TNIK: variants seen among roughly 807,000 people sequenced by gnomAD.
The protein encoded by TNIK is TRAF2 and NCK interacting kinase.
In TNIK, 49 loss-of-function variants were observed where a neutral mutation model predicts 191.3. The observed-to-expected ratio is 0.26, with a 90% CI of 0.20 to 0.32. TNIK has a LOEUF of 0.32. Ranked by LOEUF, TNIK falls within the 10% of genes least tolerant of loss-of-function variation. The pLI, the probability that TNIK is intolerant of heterozygous loss-of-function variation, is 1.00. For missense variants in TNIK, 1,155 were observed against 1,702.3 expected, an observed-to-expected ratio of 0.68 and a Z score of 5.66; for synonymous variants, 594 against 600.9, an observed-to-expected ratio of 0.99 and a Z score of 0.17.
chr3:171,359,022 T>A (rs986546282), intron 2 of TNIK, among the ~76,000 whole-genome samples: 3 of 152,180 alleles, frequency 2.0e-5, no homozygotes, highest in African/African-American at 7.2e-5. Context: ...GATGAAAAAG[T>A]TCTGGAGATG....
At chr3:171,117,020 A>G (rs944459114) in intron 18 of TNIK, among the ~76,000 whole-genome samples, 1 of 152,250 alleles carries the variant, frequency 6.6e-6, no homozygotes, top group Non-Finnish European at 1.5e-5. Context: ...CCCAGACTTT[A>G]GCCATCTAGG....
In TNIK at chr3:171,375,725, G is replaced by C. The variant is rs951294388; in HGVS notation, c.58-6040C>G. On this transcript the variant is annotated intron_variant, in intron 1 of 32. Transcript: ENST00000436636. ...GGCTAAATCCCAAAGATTGAAAAAGGCAAACTTAAGTCTGTAACTAGGATG... is the reference window on the plus strand; with the variant it reads ...GGCTAAATCCCAAAGATTGAAAAAGCCAAACTTAAGTCTGTAACTAGGATG... Among the ~76,000 whole-genome samples the C allele has an allele frequency of 1.4e-4, 21 of 152,156 alleles. 1 individual carries two copies.
rs1735810458 is a variant in TNIK at position 171,175,138 on chromosome 3, T to C, written c.773+114A>G. The C allele has an allele frequency of 6.1e-6, 6 of 979,324 alleles. No individual in the cohort carries two copies. The East Asian group carries it at 1.3e-4, about 22-fold the overall frequency. 60.7% of individuals were successfully genotyped at this position (979,324 alleles called of 1,614,324 possible). On this transcript the variant is annotated intron_variant, in intron 9 of 32. Transcript: ENST00000436636. ...ATATGGAAAGTAATTCACCAAGTCA[T>C]CATACATGTTAGTCTCATTCTATCA...
intron 19 of TNIK, among the ~76,000 whole-genome samples, chr3:171,110,061 C>T (rs867885688): frequency 5.9e-5 from 9 of 152,200 alleles, no homozygotes; most frequent in Middle Eastern, 3.4e-3. Flanking sequence ...TGCACCACCA[C>T]GCCAGGCTAA....
intron 22 of TNIK, among the ~76,000 whole-genome samples, chr3:171,098,860 G>A (rs935660540): frequency 5.3e-5 from 8 of 152,126 alleles, no homozygotes; most frequent in Non-Finnish European, 1.2e-4. Context: ...TTGTAGAACA[G>A]ACTGTGTATA....
chr3:171,067,823 T>G (rs1002885849), intron 30 of TNIK, among the ~76,000 whole-genome samples: 1 of 149,986 alleles, frequency 6.7e-6, no homozygotes, highest in Non-Finnish European at 1.5e-5. Context: ...TTGAGGATTA[T>G]CATAGTTACA....
At chr3:171,233,977 C>G (rs1743971502) in intron 2 of TNIK, among the ~76,000 whole-genome samples, 1 of 152,182 alleles carries the variant, frequency 6.6e-6, no homozygotes, top group South Asian at 2.1e-4. Flanking sequence ...GGATGAAGTT[C>G]TTTTAAACTC....
intron 2 of TNIK, among the ~76,000 whole-genome samples, 185 bp from the exon 3 acceptor site, chr3:171,228,406 CTTTG>C (rs573676780): frequency 9.3e-4 from 142 of 152,276 alleles, no homozygotes; most frequent in African/African-American, 3.4e-3. Context: ...TCCCCAGTCA[CTTTG>C]TTTATTTTCA....
At chr3:171,392,804 A>G (rs1447033607) in intron 1 of TNIK, among the ~76,000 whole-genome samples, 1 of 150,916 alleles carries the variant, frequency 6.6e-6, no homozygotes, top group Non-Finnish European at 1.5e-5. Flanking sequence ...AAGAAAAGAA[A>G]GAAAGAAAAT....
rs145572958 is a variant in TNIK, at chr3:171,075,973, C to T, written c.3448+3545G>A. On this transcript the variant is annotated intron_variant, in intron 28 of 32. Coordinates refer to ENST00000436636, the MANE Select transcript of TNIK (RefSeq NM_015028.4). Reference sequence around the variant, plus strand: ...GGCTGGTCTCAAATACCTGACCTCACGATCCACGTGCTTTGGCCTCCCAAA... The same window carrying T: ...GGCTGGTCTCAAATACCTGACCTCATGATCCACGTGCTTTGGCCTCCCAAA... Among the ~76,000 whole-genome samples the T allele has an allele frequency of 2.5e-3, 378 of 152,180 alleles. 2 individuals carry two copies. Among genetic ancestry groups the T allele is most frequent in the African/African-American group, 8.5e-3 (351 of 41,536 alleles).
chr3:171,432,476 C>A (rs1428833316), intron 1 of TNIK, among the ~76,000 whole-genome samples: 1 of 152,160 alleles, frequency 6.6e-6, no homozygotes, highest in Non-Finnish European at 1.5e-5. Flanking sequence ...GAAAACAAAC[C>A]CTATATCTAT....
chr3:171,373,676 G>A (rs181842649), intron 1 of TNIK, among the ~76,000 whole-genome samples: 18 of 152,146 alleles, frequency 1.2e-4, no homozygotes, highest in Admixed American at 2.0e-4. Context: ...GCCTGGCCTC[G>A]ATTCCCAGCC....
chr3:171,310,144 T>A (rs541309184), intron 2 of TNIK, among the ~76,000 whole-genome samples: 2 of 152,216 alleles, frequency 1.3e-5, no homozygotes, highest in East Asian at 3.9e-4. Context: ...TGATCCATGA[T>A]AAAAGACACA....
In TNIK at chr3:171,194,584, T is replaced by C. The variant is rs1738442108; in HGVS notation, c.358A>G (p.Thr120Ala). ...AGSVTDLIKN[T>A]KGNTLKEEWI... ...TCCTCTTTCAACGTGTTACCTTTTG[T>C]GTTCTTGATCAGGTCGGTGACAGAG... The change falls in exon 5 of 33, where the codon ACA (threonine) becomes GCA (alanine). Residue 120 changes from threonine to alanine, a missense_variant. Thr to Ala is a moderately conservative substitution (Grantham distance 58). Transcript: ENST00000436636. 6.2e-7 allele frequency: 1 copy of C among 1,613,864 alleles called. No homozygotes were observed. Among genetic ancestry groups the C allele is most frequent in the Admixed American group, 1.7e-5 (1 of 59,994 alleles).
intron 1 of TNIK, among the ~76,000 whole-genome samples, chr3:171,427,170 C>T (rs1368337020): frequency 6.6e-6 from 1 of 152,168 alleles, no homozygotes; most frequent in Admixed American, 6.6e-5. Flanking sequence ...TCAGACTGCC[C>T]AGATAGGTCT....
intron 7 of TNIK, among the ~76,000 whole-genome samples, chr3:171,180,627 C>G (rs553004163): frequency 1.3e-5 from 2 of 152,152 alleles, no homozygotes; most frequent in Non-Finnish European, 2.9e-5. Context: ...TGTTCTAGGG[C>G]TAGTAGACTC....
chr3:171,358,517 C>T (rs182549387), intron 2 of TNIK, among the ~76,000 whole-genome samples: 16 of 152,234 alleles, frequency 1.1e-4, no homozygotes, highest in Non-Finnish European at 1.8e-4. Flanking sequence ...CACCCTTGAC[C>T]GGGGATTATT....
chr3:171,178,435 TA>T (rs10706990), intron 7 of TNIK, among the ~76,000 whole-genome samples: 119,356 of 152,072 alleles, frequency 0.78, 47,588 homozygotes, highest in African/African-American at 0.93. Context: ...GACTAGTATG[TA>T]ACAATAGAGG....
At chr3:171,420,089 A>G (rs1723571973) in intron 1 of TNIK, among the ~76,000 whole-genome samples, 1 of 152,160 alleles carries the variant, frequency 6.6e-6, no homozygotes, top group African/African-American at 2.4e-5. Context: ...CTGACAGTCA[A>G]TATTTGCTGA....
Sources: allele counts gnomAD v4.1 joint callset (sites outside exome capture counted in the v4.1 genomes callset), GRCh38; gene constraint gnomAD v4.1.1; transcripts MANE v1.5; gene names NCBI Gene and HGNC (gene_info 2026-07-23, HGNC 2026-07-21).